CUBN: variants seen among roughly 807,000 people sequenced by gnomAD.
CUBN encodes the protein 460 kDa receptor.
A neutral mutation model predicts 405.3 loss-of-function variants in CUBN; 282 were observed. The observed-to-expected ratio is 0.70, with a 90% CI of 0.63 to 0.77. The LOEUF (loss-of-function observed/expected upper bound fraction) is 0.77, where lower values mean the gene tolerates loss of function less well. Ranked by LOEUF, CUBN falls within the 30% of genes least tolerant of loss-of-function variation. CUBN has a pLI of 0.00. For missense variants in CUBN, 4,514 were observed against 4,475.2 expected, an observed-to-expected ratio of 1.01 and a Z score of -0.25; for synonymous variants, 1,684 against 1,617.0, an observed-to-expected ratio of 1.04 and a Z score of -0.99.
intron 27 of CUBN, among the ~76,000 whole-genome samples, chr10:17,035,119 G>A (rs1038102560): frequency 2.7e-5 from 4 of 150,668 alleles, no homozygotes; most frequent in East Asian, 3.9e-4. Context: ...AATTGAAAAA[G>A]GAAAGAACAT....
At chr10:17,023,064 G>A (rs1423004624) in intron 27 of CUBN, among the ~76,000 whole-genome samples, 2 of 152,132 alleles carry the variant, frequency 1.3e-5, no homozygotes, top group African/African-American at 4.8e-5. Flanking sequence ...GCAAGATTAA[G>A]AAATGTGGCA....
chr10:16,865,394 T>G (rs1840151567), intron 59 of CUBN, among the ~76,000 whole-genome samples: 1 of 152,170 alleles, frequency 6.6e-6, no homozygotes, highest in African/African-American at 2.4e-5. Context: ...GCAACCTGAC[T>G]CAGTCTCCAT....
At position 16,835,007 on chromosome 10, in the gene CUBN, A is replaced by G. The variant is rs776574207; in HGVS notation, c.10362+7T>C. The G allele has an allele frequency of 8.7e-6, 14 of 1,612,010 alleles. No homozygotes were observed. The highest frequency in any genetic ancestry group is 2.2e-5 in the South Asian group (2 of 91,042). ...ATTCATTCAAACGATATTCAAATGCATATCACCTCCAAGAAATCGTTTCTG... is the reference window on the plus strand; with the variant it reads ...ATTCATTCAAACGATATTCAAATGCGTATCACCTCCAAGAAATCGTTTCTG... On this transcript the variant is annotated splice_region_variant and intron_variant, in intron 64 of 66. Coordinates refer to ENST00000377833, the MANE Select transcript of CUBN (RefSeq NM_001081.4).
At chr10:17,067,094 T>C (rs934359928) in intron 21 of CUBN, among the ~76,000 whole-genome samples, 4 of 151,998 alleles carry the variant, frequency 2.6e-5, no homozygotes, top group Non-Finnish European at 4.4e-5. Flanking sequence ...AAACATAAAA[T>C]TGAAAATGTC....
At position 16,898,138 on chromosome 10, in the gene CUBN, A is replaced by C. The variant is rs568264174; in HGVS notation, c.8598+858T>G. Among the ~76,000 whole-genome samples the C allele has an allele frequency of 2.6e-5, 4 of 151,704 alleles. No homozygotes were observed. The South Asian group carries it at 8.3e-4, about 31-fold the overall frequency. ...TAAACAGTAAGCATGGGTCAATGAG[A>C]TATAAAACATCATTTGAGAGTTGAT... On this transcript the variant is annotated intron_variant, in intron 54 of 66. Transcript: ENST00000377833.
chr10:17,060,103 A>G (rs1835472092), intron 22 of CUBN, among the ~76,000 whole-genome samples: 2 of 151,058 alleles, frequency 1.3e-5, no homozygotes. Flanking sequence ...ATTCTCTTTA[A>G]CAATCCCTGG....
chr10:16,964,239 C>T (rs551058864), intron 31 of CUBN, among the ~76,000 whole-genome samples: 2 of 152,046 alleles, frequency 1.3e-5, no homozygotes, highest in Non-Finnish European at 2.9e-5. Flanking sequence ...CTAAGATTCA[C>T]ATATAAAGAT....
intron 28 of CUBN, among the ~76,000 whole-genome samples, chr10:16,999,425 G>A (rs959041809): frequency 3.3e-5 from 5 of 152,150 alleles, no homozygotes; most frequent in African/African-American, 1.2e-4. Flanking sequence ...TTCCTTTTAA[G>A]CTACTAATTT....
chr10:16,831,917 A>G (rs1839012467), intron 64 of CUBN, among the ~76,000 whole-genome samples: 2 of 152,214 alleles, frequency 1.3e-5, no homozygotes, highest in Admixed American at 6.5e-5. Flanking sequence ...AAAAAATACA[A>G]TGCAAAGTAT....
At chr10:16,853,773 G>T (rs754893622) in intron 59 of CUBN, among the ~76,000 whole-genome samples, 9 of 152,216 alleles carry the variant, frequency 5.9e-5, no homozygotes, top group Non-Finnish European at 8.8e-5. Context: ...GAGAGGGTTG[G>T]AGTTTGTGGA....
Position 17,019,821 on chromosome 10 carries a change from C to T in CUBN, c.4168+12G>A. 1 of 1,614,070 alleles carries T rather than the reference C, an allele frequency of 6.2e-7. No homozygotes were observed. The highest frequency in any genetic ancestry group is 8.5e-7 in the Non-Finnish European group (1 of 1,179,940). ...CAACTGCAAATACAACTGAGATCAGCACCTGGCTTACCGTAAACAAACCAC... is the reference window on the plus strand; with the variant it reads ...CAACTGCAAATACAACTGAGATCAGTACCTGGCTTACCGTAAACAAACCAC... On this transcript the variant is annotated intron_variant, in intron 28 of 66. Transcript: ENST00000377833.
At chr10:17,077,922 C>A (rs543742632) in intron 17 of CUBN, among the ~76,000 whole-genome samples, 1 of 152,240 alleles carries the variant, frequency 6.6e-6, no homozygotes, top group South Asian at 2.1e-4. Context: ...AGTGTCCCTT[C>A]TAACATCTCT....
At chr10:16,946,490 C>CTTTTTT (rs775415655) in intron 36 of CUBN, among the ~76,000 whole-genome samples, 2 of 121,074 alleles carry the variant, frequency 1.7e-5, no homozygotes, top group African/African-American at 6.2e-5. Context: ...AAAACCATTC[C>CTTTTTT]TTTTTTTTTT....
intron 66 of CUBN, among the ~76,000 whole-genome samples, chr10:16,828,248 A>C (rs1294513031): frequency 1.3e-5 from 2 of 152,180 alleles, no homozygotes; most frequent in Non-Finnish European, 2.9e-5. Flanking sequence ...TGGAAGTCTA[A>C]TGTAAGTAAC....
intron 30 of CUBN, 128 bp downstream of exon 30, chr10:16,983,977 C>A (rs760781271): frequency 7.0e-6 from 7 of 997,088 alleles, no homozygotes; most frequent in Non-Finnish European, 1.1e-5. Flanking sequence ...TGTCAGGTCT[C>A]AGTAGGCTGC....
intron 30 of CUBN, among the ~76,000 whole-genome samples, chr10:16,983,682 G>C (rs747581766): frequency 1.3e-5 from 2 of 152,182 alleles, no homozygotes; most frequent in African/African-American, 4.8e-5. Flanking sequence ...AATTTATTTA[G>C]ACTGCCTAAA....
intron 66 of CUBN, among the ~76,000 whole-genome samples, chr10:16,827,972 C>G (rs1838839189): frequency 6.6e-6 from 1 of 152,042 alleles, no homozygotes; most frequent in African/African-American, 2.4e-5. Context: ...ACGTCAGATT[C>G]TGATTTTTTT....
chr10:17,116,786 T>C (rs1836912143), intron 6 of CUBN, among the ~76,000 whole-genome samples: 1 of 152,172 alleles, frequency 6.6e-6, no homozygotes, highest in Non-Finnish European at 1.5e-5. Flanking sequence ...GGCAGCTTTT[T>C]GGCAGTTTCT....
At chr10:16,835,272 A>G (rs1462600950) in intron 63 of CUBN, 77 bp from the exon 64 acceptor site, 3 of 1,237,528 alleles carry the variant, frequency 2.4e-6, no homozygotes, top group Admixed American at 1.7e-5. Context: ...GAATCATTCA[A>G]AAAGATCATT....
Sources: gnomAD v4.1 joint callset for allele counts (sites outside exome capture counted in the v4.1 genomes callset) on GRCh38, gnomAD v4.1.1 for gene constraint, MANE v1.5 for transcripts, NCBI Gene and HGNC (gene_info 2026-07-23, HGNC 2026-07-21) for gene names.